The following NINL variants were observed in gnomAD, a reference collection of about 807,000 sequenced individuals.
NINL encodes the protein ninein-like protein.
NINL carries 153 observed loss-of-function variants against 160.3 expected under a neutral mutation model. That is an observed-to-expected ratio of 0.95 (90% CI 0.84 to 1.09). The LOEUF (loss-of-function observed/expected upper bound fraction) is 1.09, where lower values mean the gene tolerates loss of function less well. Ranked by LOEUF, NINL falls within the 50% of genes least tolerant of loss-of-function variation. NINL has a pLI of 0.00. For missense variants in NINL, 1,829 were observed against 1,764.0 expected, an observed-to-expected ratio of 1.04 and a Z score of -0.66; for synonymous variants, 800 against 734.8, an observed-to-expected ratio of 1.09 and a Z score of -1.43.
chr20:25,457,036 T>C (rs998184771), intron 22 of NINL, among the ~76,000 whole-genome samples: 1 of 151,318 alleles, frequency 6.6e-6, no homozygotes, highest in Non-Finnish European at 1.5e-5. Context: ...AAAAATGTTC[T>C]GGCCCAGGGC....
chr20:25,476,138 C>T lies in NINL; in HGVS notation c.3153G>A (p.Leu1051=). 1 of 1,614,220 alleles carries T rather than the reference C, an allele frequency of 6.2e-7. No homozygotes were observed. The highest frequency in any genetic ancestry group is 8.5e-7 in the Non-Finnish European group (1 of 1,180,050). The part of the protein sequence containing the change: ...APEEGETKIA[L]EREKDDMETK... ...TTTCCATGTCATCCTTCTCTCTCTCCAGCGCTATTTTGGTCTCCCCCTCTT... is the reference window on the plus strand; with the variant it reads ...TTTCCATGTCATCCTTCTCTCTCTCTAGCGCTATTTTGGTCTCCCCCTCTT... The change falls in exon 17 of 24, where the codon CTG becomes CTA. Residue 1051 remains leucine, a synonymous_variant. Transcript: ENST00000278886.
chr20:25,469,251 T>G (rs11474838), intron 18 of NINL, among the ~76,000 whole-genome samples: 9,493 of 41,574 alleles, frequency 0.23, 2,767 homozygotes, highest in East Asian at 0.94. Flanking sequence ...CTCTCATTGG[T>G]GGGCACCCCC....
At position 25,491,398 on chromosome 20, in the gene NINL, G is replaced by A; in HGVS notation, c.1438C>T (p.Gln480Ter). 2.9e-5 allele frequency: 47 copies of A among 1,612,306 alleles called. No homozygotes were observed. The highest frequency in any genetic ancestry group is 4.0e-5 in the Non-Finnish European group (47 of 1,179,910). The change falls in exon 11 of 24, where the codon CAG (glutamine) becomes TAG (stop). Residue 480 changes from glutamine to a stop codon, truncating the protein, a stop_gained. Coordinates refer to ENST00000278886, the MANE Select transcript of NINL (RefSeq NM_025176.6). LOFTEE classifies it high-confidence loss of function. ...AALEWDVGRL[Q>*]AEEAGLREKL... ...TCGCGGAGGCCAGCCTCCTCAGCCT[G>A]CAGGCGCCCCACGTCCCACTCCAGC...
chr20:25,501,074 T>G, intron 7 of NINL, 64 bp from the exon 8 acceptor site: 1 of 1,547,254 alleles, frequency 6.5e-7, no homozygotes, highest in Non-Finnish European at 8.7e-7. Context: ...GTGCTGCTGA[T>G]GTGCTCTCCA....
intron 2 of NINL, among the ~76,000 whole-genome samples, chr20:25,522,588 T>C (rs1177528943): frequency 6.6e-6 from 1 of 152,188 alleles, no homozygotes; most frequent in East Asian, 1.9e-4. Flanking sequence ...AATAAGTCCC[T>C]CAAAAATAGT....
rs559126030 is a variant in NINL at position 25,489,842 on chromosome 20, C to T, written c.1596+33G>A. On this transcript the variant is annotated intron_variant, in intron 12 of 23. Coordinates refer to ENST00000278886, the MANE Select transcript of NINL (RefSeq NM_025176.6). Reference sequence around the variant, plus strand: ...CCCACTCTGCCCAGCAGGCCCTCCCCTCTGGAGGCAGACTGTCAGCAAAGG... The same window carrying T: ...CCCACTCTGCCCAGCAGGCCCTCCCTTCTGGAGGCAGACTGTCAGCAAAGG... 32 of 1,601,356 alleles carry T rather than the reference C, an allele frequency of 2.0e-5. No individual in the cohort carries two copies. In the East Asian group the frequency reaches 6.9e-4, roughly 35 times the overall value.
intron 1 of NINL, among the ~76,000 whole-genome samples, chr20:25,537,534 G>C (rs573401931): frequency 7.9e-5 from 12 of 152,202 alleles, no homozygotes; most frequent in Non-Finnish European, 1.5e-4. Flanking sequence ...TATGGAGCTA[G>C]TCATCCCCAC....
intron 5 of NINL, among the ~76,000 whole-genome samples, chr20:25,508,308 C>T (rs1408742021): frequency 6.6e-6 from 1 of 152,234 alleles, no homozygotes; most frequent in Non-Finnish European, 1.5e-5. Flanking sequence ...ACAGTCAGCC[C>T]ACGTAACCGC....
chr20:25,499,395 C>T (rs2063822928), intron 8 of NINL, among the ~76,000 whole-genome samples: 1 of 152,198 alleles, frequency 6.6e-6, no homozygotes, highest in Non-Finnish European at 1.5e-5. Context: ...AGAGCAGCAC[C>T]AGCAGCTCTA....
chr20:25,468,396 G>A (rs1206398792), intron 18 of NINL, among the ~76,000 whole-genome samples: 2 of 135,580 alleles, frequency 1.5e-5, no homozygotes, highest in Admixed American at 7.6e-5. Flanking sequence ...TCTGTCCCCC[G>A]ACTCTCACTG....
intron 14 of NINL, among the ~76,000 whole-genome samples, chr20:25,481,633 G>C (rs1349895181): frequency 6.6e-6 from 1 of 152,244 alleles, no homozygotes; most frequent in Non-Finnish European, 1.5e-5. Context: ...AGTACTGGGA[G>C]GCCCCAATGC....
intron 2 of NINL, 142 bp downstream of exon 2, chr20:25,526,266 G>A: frequency 2.7e-6 from 2 of 737,930 alleles, no homozygotes; most frequent in Non-Finnish European, 2.2e-6. Context: ...TTCCATAGAG[G>A]GAAAAACTAG....
At chr20:25,484,214 A>G (rs1050730831) in intron 13 of NINL, among the ~76,000 whole-genome samples, 10 of 152,258 alleles carry the variant, frequency 6.6e-5, no homozygotes, top group African/African-American at 2.4e-4. Context: ...TCCTTGTTAC[A>G]AAATACAAAG....
intron 18 of NINL, among the ~76,000 whole-genome samples, chr20:25,468,574 GTC>G (rs1568850855): frequency 1.4e-3 from 138 of 96,032 alleles, no homozygotes; most frequent in African/African-American, 5.2e-3. Flanking sequence ...CCCCTGCCCT[GTC>G]CCCTGTCACT....
intron 7 of NINL, among the ~76,000 whole-genome samples, chr20:25,502,268 C>G (rs945712596): frequency 2.6e-5 from 4 of 152,198 alleles, no homozygotes; most frequent in Non-Finnish European, 5.9e-5. Flanking sequence ...AGACGTGAGC[C>G]ACCATGCCCG....
At chr20:25,499,243 G>A (rs999365700) in intron 8 of NINL, 5 of 984,966 alleles carry the variant, frequency 5.1e-6, no homozygotes, top group African/African-American at 3.5e-5. Flanking sequence ...ACAAGCACAC[G>A]CTCCCCACCA....
In NINL at chr20:25,455,769, C is replaced by A; in HGVS notation, c.3861G>T (p.Gln1287His). 6.2e-7 allele frequency: 1 copy of A among 1,614,128 alleles called. No individual in the cohort carries two copies. The highest frequency in any genetic ancestry group is 8.5e-7 in the Non-Finnish European group (1 of 1,179,972). Reference sequence around the variant, plus strand: ...CCACCCGCTCTTCTGTGGCTTTCAGCTGTTTCTCATGTTCTTCCTGCCATA... The same window carrying A: ...CCACCCGCTCTTCTGTGGCTTTCAGATGTTTCTCATGTTCTTCCTGCCATA... ...LDAQREEHEK[Q>H]LKATEERVEE... Residue 1287 changes from glutamine to histidine, a missense_variant, in exon 23 of 24, where the codon CAG becomes CAT. Gln to His is a conservative substitution (Grantham distance 24). Coordinates refer to ENST00000278886, the MANE Select transcript of NINL (RefSeq NM_025176.6).
At chr20:25,474,819 C>T (rs1273673249) in intron 17 of NINL, among the ~76,000 whole-genome samples, 8 of 150,316 alleles carry the variant, frequency 5.3e-5, no homozygotes, top group African/African-American at 2.0e-4. Context: ...GAGTTTCGCT[C>T]TTGTTGCCCA....
At chr20:25,474,385 G>A (rs116524065) in intron 17 of NINL, among the ~76,000 whole-genome samples, 2,131 of 152,282 alleles carry the variant, frequency 0.014, 48 homozygotes, top group African/African-American at 0.046. Flanking sequence ...CACCAAGTCC[G>A]TGGAAATGCA....
Sources: allele counts gnomAD v4.1 joint callset (sites outside exome capture counted in the v4.1 genomes callset), GRCh38; gene constraint gnomAD v4.1.1; transcripts MANE v1.5; gene names NCBI Gene and HGNC (gene_info 2026-07-23, HGNC 2026-07-21).